NRG1: variants seen among roughly 807,000 people sequenced by gnomAD.
NRG1 encodes pro-neuregulin-1, membrane-bound isoform.
NRG1 carries 18 observed loss-of-function variants against 63.8 expected under a neutral mutation model. The ratio of observed to expected loss-of-function variants is 0.28; its 90% CI spans 0.19 to 0.42. NRG1 has a LOEUF of 0.42. Among genes scored for constraint, NRG1 ranks in the 10% least tolerant of loss-of-function variants. The pLI is 1.00. For missense variants in NRG1, 762 were observed against 814.7 expected, an observed-to-expected ratio of 0.94 and a Z score of 0.79; for synonymous variants, 302 against 301.3, an observed-to-expected ratio of 1.00 and a Z score of -0.02.
intron 1 of NRG1, among the ~76,000 whole-genome samples, chr8:31,700,231 T>G (rs945558261): frequency 6.6e-6 from 1 of 152,142 alleles, no homozygotes; most frequent in African/African-American, 2.4e-5. Context: ...CAGCTTTTAC[T>G]CTCTGGGTCA....
chr8:32,109,823 A>G (rs570467046), intron 1 of NRG1, among the ~76,000 whole-genome samples: 1 of 152,296 alleles, frequency 6.6e-6, no homozygotes, highest in South Asian at 2.1e-4. Flanking sequence ...ATTACATCAT[A>G]AAGAACAATG....
chr8:32,643,311 G>A (rs1044753460), intron 5 of NRG1, among the ~76,000 whole-genome samples: 1 of 152,140 alleles, frequency 6.6e-6, no homozygotes, highest in Non-Finnish European at 1.5e-5. Context: ...AGGATGCAGT[G>A]GAAATAGTTT....
chr8:32,399,176 G>A (rs1483472391), intron 1 of NRG1, among the ~76,000 whole-genome samples: 1 of 152,112 alleles, frequency 6.6e-6, no homozygotes, highest in Non-Finnish European at 1.5e-5. Context: ...CTCCTATTGA[G>A]GAAGGTTCAT....
intron 1 of NRG1, among the ~76,000 whole-genome samples, chr8:32,055,397 C>T (rs556484159): frequency 6.6e-6 from 1 of 152,174 alleles, no homozygotes; most frequent in East Asian, 1.9e-4. Context: ...AAGTCATTTC[C>T]TTCTGGGAAT....
chr8:31,646,912 G>A (rs1479583355), intron 1 of NRG1, among the ~76,000 whole-genome samples: 1 of 152,210 alleles, frequency 6.6e-6, no homozygotes, highest in African/African-American at 2.4e-5. Context: ...GGGCTTCAGA[G>A]AAAGGTTGTT....
intron 1 of NRG1, among the ~76,000 whole-genome samples, chr8:31,943,821 G>A (rs755631899): frequency 6.0e-4 from 91 of 152,088 alleles, no homozygotes; most frequent in Non-Finnish European, 1.1e-3. Context: ...ACATCCACAG[G>A]GAAGCTACAA....
intron 1 of NRG1, among the ~76,000 whole-genome samples, chr8:31,828,568 C>T (rs368234026): frequency 4.6e-5 from 7 of 152,282 alleles, no homozygotes; most frequent in African/African-American, 1.4e-4. Context: ...ACACCACCCG[C>T]GCTCTGTCCA....
At chr8:31,966,361 A>T (rs147729099) in intron 1 of NRG1, among the ~76,000 whole-genome samples, 1 of 152,344 alleles carries the variant, frequency 6.6e-6, no homozygotes, top group Non-Finnish European at 1.5e-5. Context: ...AAAAGCAATA[A>T]GAGTAGGGAC....
At chr8:31,808,153 G>A in intron 1 of NRG1, among the ~76,000 whole-genome samples, 1 of 151,352 alleles carries the variant, frequency 6.6e-6, no homozygotes, top group East Asian at 1.9e-4. Context: ...TGATTTTTTT[G>A]CTATTCTTTC....
At chr8:32,090,679 A>G (rs1829000121) in intron 1 of NRG1, among the ~76,000 whole-genome samples, 1 of 152,208 alleles carries the variant, frequency 6.6e-6, no homozygotes, top group Non-Finnish European at 1.5e-5. Context: ...AAACTTCAGA[A>G]GGAAAGAGAC....
At chr8:31,702,414 TAGAATA>T (rs1810718510) in intron 1 of NRG1, among the ~76,000 whole-genome samples, 1 of 151,836 alleles carries the variant, frequency 6.6e-6, no homozygotes, top group Non-Finnish European at 1.5e-5. Context: ...CTTTAAAAGA[TAGAATA>T]AAGGAAAAAC....
At chr8:32,144,698 C>G (rs776635432) in intron 1 of NRG1, among the ~76,000 whole-genome samples, 6 of 152,072 alleles carry the variant, frequency 3.9e-5, no homozygotes, top group African/African-American at 1.4e-4. Context: ...TATCTAAAAA[C>G]GTCAAGCTGG....
exon 6 of NRG1, chr8:32,728,063 C>G (rs765324170): frequency 3.7e-6 from 6 of 1,613,990 alleles, no homozygotes; most frequent in Non-Finnish European, 5.1e-6. Context: ...TCAAACCCCT[C>G]GAGATACTTG....
At chr8:32,102,973 A>C (rs932100751) in intron 1 of NRG1, among the ~76,000 whole-genome samples, 2 of 152,118 alleles carry the variant, frequency 1.3e-5, no homozygotes, top group African/African-American at 4.8e-5. Flanking sequence ...AAAGGCATGC[A>C]ATGCATAATA....
At chr8:32,436,751 A>C (rs535920777) in intron 1 of NRG1, among the ~76,000 whole-genome samples, 17 of 152,146 alleles carry the variant, frequency 1.1e-4, no homozygotes, top group Non-Finnish European at 2.4e-4. Context: ...GTATGTTTCT[A>C]TTCTTTGCTT....
intron 1 of NRG1, among the ~76,000 whole-genome samples, chr8:32,189,918 A>G (rs2132181658): frequency 6.6e-6 from 1 of 152,300 alleles, no homozygotes; most frequent in African/African-American, 2.4e-5. Flanking sequence ...AGGAGACATC[A>G]TCAGTGCTCA....
chr8:31,918,685 C>T (rs1285138785), intron 1 of NRG1, among the ~76,000 whole-genome samples: 2 of 151,974 alleles, frequency 1.3e-5, no homozygotes, highest in East Asian at 1.9e-4. Flanking sequence ...TGTCTCTGTC[C>T]GGCTTTGGTA....
At chr8:32,545,481 T>A (rs1291029874), upstream of NRG1, among the ~76,000 whole-genome samples, 1 of 152,130 alleles carries the variant, frequency 6.6e-6, no homozygotes, top group Non-Finnish European at 1.5e-5. Context: ...ATTGGGTTTT[T>A]TTTTTAAAGC....
chr8:31,988,097 C>T (rs1034166711), intron 1 of NRG1, among the ~76,000 whole-genome samples: 1 of 152,138 alleles, frequency 6.6e-6, no homozygotes, highest in Non-Finnish European at 1.5e-5. Flanking sequence ...CACTCACACC[C>T]TTTTGTCCAG....
Sources: allele counts gnomAD v4.1 joint callset (sites outside exome capture counted in the v4.1 genomes callset), GRCh38; gene constraint gnomAD v4.1.1; transcripts MANE v1.5; gene names NCBI Gene and HGNC (gene_info 2026-07-23, HGNC 2026-07-21).